PRKN: variants seen among roughly 807,000 people sequenced by gnomAD.
PRKN encodes parkin RBR E3 ubiquitin protein ligase.
In PRKN, 56 loss-of-function variants were observed where a neutral mutation model predicts 59.5. The observed-to-expected ratio is 0.94, with a 90% CI of 0.76 to 1.18. The LOEUF is 1.18. Among genes scored for constraint, PRKN ranks in the 50% most tolerant of loss-of-function variants. The probability of loss-of-function intolerance (pLI) is 0.00; values close to 1 mark genes in which losing one functional copy is unlikely to be tolerated. For missense variants in PRKN, 657 were observed against 596.4 expected, an observed-to-expected ratio of 1.10 and a Z score of -1.06; for synonymous variants, 250 against 222.1, an observed-to-expected ratio of 1.13 and a Z score of -1.12.
chr6:161,825,975 T>G (rs900544191), intron 6 of PRKN, among the ~76,000 whole-genome samples: 3 of 152,160 alleles, frequency 2.0e-5, no homozygotes, highest in African/African-American at 4.8e-5. Context: ...TTTATTCCCC[T>G]CTATTTTTCA....
chr6:162,464,334 G>T (rs989385065), intron 1 of PRKN, among the ~76,000 whole-genome samples: 6 of 151,962 alleles, frequency 3.9e-5, no homozygotes, highest in African/African-American at 1.5e-4. Context: ...AATGAACTTT[G>T]CCACTGCCCT....
chr6:162,022,841 G>A (rs1783261022), intron 5 of PRKN, among the ~76,000 whole-genome samples: 1 of 152,122 alleles, frequency 6.6e-6, no homozygotes, highest in South Asian at 2.1e-4. Context: ...TGCATACGGT[G>A]AGAGGAAGCG....
chr6:162,615,949 G>T (rs1782390206), intron 1 of PRKN, among the ~76,000 whole-genome samples: 1 of 152,102 alleles, frequency 6.6e-6, no homozygotes, highest in South Asian at 2.1e-4. Flanking sequence ...TCATTCTTTA[G>T]TCCTAAACCA....
At chr6:162,645,377 A>T (rs1444585618) in intron 1 of PRKN, among the ~76,000 whole-genome samples, 1 of 152,178 alleles carries the variant, frequency 6.6e-6, no homozygotes, top group Non-Finnish European at 1.5e-5. Context: ...GTGCATCAAG[A>T]AGCAAACAGT....
At chr6:161,412,202 T>TTTCCTTCCTCACTCATTCC (rs1038991062) in intron 9 of PRKN, among the ~76,000 whole-genome samples, 1 of 133,224 alleles carries the variant, frequency 7.5e-6, no homozygotes, top group Non-Finnish European at 1.6e-5. Context: ...CCACTCACTC[T>TTTCCTTCCTCACTCATTCC]TTCCTTCCTC....
intron 7 of PRKN, among the ~76,000 whole-genome samples, chr6:161,618,541 T>C (rs1782776220): frequency 6.6e-6 from 1 of 152,184 alleles, no homozygotes; most frequent in African/African-American, 2.4e-5. Context: ...CTCAGTATTA[T>C]GCCCAAACCT....
At chr6:161,513,564 T>G (rs1326252343) in intron 9 of PRKN, among the ~76,000 whole-genome samples, 1 of 152,018 alleles carries the variant, frequency 6.6e-6, no homozygotes, top group East Asian at 1.9e-4. Context: ...CTGCTTTTTT[T>G]CATTTGTTTA....
At chr6:161,688,875 G>T (rs769551889) in intron 7 of PRKN, among the ~76,000 whole-genome samples, 1 of 152,122 alleles carries the variant, frequency 6.6e-6, no homozygotes, top group Non-Finnish European at 1.5e-5. Context: ...TGTCCTTGAC[G>T]TGGACATGGA....
intron 4 of PRKN, among the ~76,000 whole-genome samples, chr6:162,121,133 T>G (rs934785076): frequency 2.6e-5 from 4 of 152,196 alleles, no homozygotes; most frequent in Admixed American, 2.0e-4. Flanking sequence ...CTCTGGGTGA[T>G]GTCAACTCTC....
Position 162,238,942 on chromosome 6 carries a change from T to G in PRKN, c.412+23583A>C, listed in dbSNP as rs536950962. On this transcript the variant is annotated intron_variant, in intron 3 of 11. Transcript: ENST00000366898. ...TGGCTGTGCACCAGTGACAGAAGGGTTTACTTACTATGATACTGGAGACCA... is the reference window on the plus strand; with the variant it reads ...TGGCTGTGCACCAGTGACAGAAGGGGTTACTTACTATGATACTGGAGACCA... 1.3e-3 allele frequency among the ~76,000 whole-genome samples: 195 copies of G among 151,966 alleles called. 1 individual carries two copies. The highest frequency in any genetic ancestry group is 4.3e-3 in the African/African-American group (179 of 41,442).
chr6:162,523,667 GA>G (rs922820434), intron 1 of PRKN, among the ~76,000 whole-genome samples: 1 of 151,458 alleles, frequency 6.6e-6, no homozygotes, highest in Non-Finnish European at 1.5e-5. Flanking sequence ...GTCTCAAAAA[GA>G]AAAAAGAAAA....
intron 6 of PRKN, among the ~76,000 whole-genome samples, chr6:161,891,666 G>T (rs890290547): frequency 2.5e-4 from 38 of 152,192 alleles, no homozygotes; most frequent in African/African-American, 8.9e-4. Context: ...CAGACTACAG[G>T]GGATTTGTGA....
intron 7 of PRKN, among the ~76,000 whole-genome samples, chr6:161,644,512 C>G (rs1331898109): frequency 2.0e-5 from 3 of 152,210 alleles, no homozygotes; most frequent in African/African-American, 7.2e-5. Flanking sequence ...TGTCTTCCGG[C>G]AGCTACATCT....
chr6:162,282,079 C>G (rs991002378), intron 2 of PRKN, among the ~76,000 whole-genome samples: 1 of 152,220 alleles, frequency 6.6e-6, no homozygotes, highest in African/African-American at 2.4e-5. Flanking sequence ...TACTCACCCC[C>G]TGCTGTGCAG....
At chr6:161,917,341 G>C (rs1209076325) in intron 6 of PRKN, among the ~76,000 whole-genome samples, 1 of 151,902 alleles carries the variant, frequency 6.6e-6, no homozygotes, top group Non-Finnish European at 1.5e-5. Context: ...CCTGACCTCA[G>C]GTGATCCACC....
At chr6:162,627,396 T>C (rs1782937504) in intron 1 of PRKN, among the ~76,000 whole-genome samples, 2 of 152,234 alleles carry the variant, frequency 1.3e-5, no homozygotes, top group South Asian at 4.1e-4. Context: ...TGATTTTGTA[T>C]AGAAATTATT....
At chr6:161,403,709 A>C (rs1436540974) in intron 9 of PRKN, among the ~76,000 whole-genome samples, 4 of 152,100 alleles carry the variant, frequency 2.6e-5, no homozygotes, top group African/African-American at 9.7e-5. Flanking sequence ...CTATGGTTTG[A>C]ATGCTTGGCC....
intron 7 of PRKN, among the ~76,000 whole-genome samples, chr6:161,727,119 G>A (rs1787473898): frequency 6.6e-6 from 1 of 152,190 alleles, no homozygotes. Context: ...AACCAAGGGT[G>A]GCGATGGGCT....
intron 7 of PRKN, among the ~76,000 whole-genome samples, chr6:161,761,265 G>A (rs55883230): frequency 0.015 from 2,246 of 152,172 alleles, 57 homozygotes; most frequent in African/African-American, 0.051. Context: ...TAAAAAGTAC[G>A]TCTTTTTGCT....
Sources: gnomAD v4.1 joint callset for allele counts (sites outside exome capture counted in the v4.1 genomes callset) on GRCh38, gnomAD v4.1.1 for gene constraint, MANE v1.5 for transcripts, NCBI Gene and HGNC (gene_info 2026-07-23, HGNC 2026-07-21) for gene names.